SYT9: variants seen among roughly 807,000 people sequenced by gnomAD.
SYT9 encodes synaptotagmin 9, also known as synaptotagmin-9.
A neutral mutation model predicts 48.4 loss-of-function variants in SYT9; 22 were observed. The ratio of observed to expected loss-of-function variants is 0.45; its 90% CI spans 0.32 to 0.65. The LOEUF (loss-of-function observed/expected upper bound fraction) is 0.65, where lower values mean the gene tolerates loss of function less well. Ranked by LOEUF, SYT9 falls within the 30% of genes least tolerant of loss-of-function variation. The pLI, the probability that SYT9 is intolerant of heterozygous loss-of-function variation, is 0.03. For missense variants in SYT9, 577 were observed against 622.0 expected, an observed-to-expected ratio of 0.93 and a Z score of 0.77; for synonymous variants, 265 against 245.0, an observed-to-expected ratio of 1.08 and a Z score of -0.76.
At chr11:7,266,382 G>A (rs1353000397) in intron 1 of SYT9, among the ~76,000 whole-genome samples, 1 of 152,046 alleles carries the variant, frequency 6.6e-6, no homozygotes, top group African/African-American at 2.4e-5. Flanking sequence ...AAGAGAACTA[G>A]AAAGTCCCCC....
intron 3 of SYT9, among the ~76,000 whole-genome samples, chr11:7,332,301 G>A (rs1849550907): frequency 6.6e-6 from 1 of 152,178 alleles, no homozygotes; most frequent in African/African-American, 2.4e-5. Flanking sequence ...GGACTCCTCT[G>A]GGAAAGGGTA....
intron 6 of SYT9, among the ~76,000 whole-genome samples, chr11:7,429,105 G>A (rs181445787): frequency 6.6e-6 from 1 of 152,306 alleles, no homozygotes; most frequent in Admixed American, 6.5e-5. Flanking sequence ...CACCGACAGA[G>A]TGAATATTTA....
At chr11:7,445,603 A>G (rs994027586) in intron 6 of SYT9, among the ~76,000 whole-genome samples, 2 of 151,960 alleles carry the variant, frequency 1.3e-5, no homozygotes. Context: ...TCTCTTTCTC[A>G]TGGGCTTTCG....
At chr11:7,377,938 A>G (rs1850486022) in intron 3 of SYT9, among the ~76,000 whole-genome samples, 1 of 152,160 alleles carries the variant, frequency 6.6e-6, no homozygotes, top group South Asian at 2.1e-4. Flanking sequence ...AAAAGGCCAT[A>G]GCCCAAGGTA....
chr11:7,270,892 A>T (rs777508275), intron 1 of SYT9, among the ~76,000 whole-genome samples: 8 of 151,164 alleles, frequency 5.3e-5, no homozygotes, highest in African/African-American at 1.7e-4. Flanking sequence ...AGAGAGTGTC[A>T]TCAGGTGTGG....
At chr11:7,371,087 A>C (rs1850353287) in intron 3 of SYT9, among the ~76,000 whole-genome samples, 2 of 152,188 alleles carry the variant, frequency 1.3e-5, no homozygotes, top group South Asian at 4.1e-4. Context: ...TGATAGCAGT[A>C]GGCTGATATT....
upstream of SYT9, among the ~76,000 whole-genome samples, chr11:7,251,366 T>C (rs891104283): frequency 9.2e-5 from 14 of 152,188 alleles, no homozygotes; most frequent in South Asian, 2.1e-4. Context: ...TTTATTTATT[T>C]GATCTTAGTT....
rs551902532 is a variant in SYT9 at position 7,293,706 on chromosome 11, C to T, written c.146-9333C>T. ...AGGAAGATCACTGAGGGGCAGTGACCCAAGGTCACAAAATATAAATGATGG... is the reference window on the plus strand; with the variant it reads ...AGGAAGATCACTGAGGGGCAGTGACTCAAGGTCACAAAATATAAATGATGG... On this transcript the variant is annotated intron_variant, in intron 1 of 6. Transcript: ENST00000318881. Among the ~76,000 whole-genome samples, 3 of 152,156 alleles carry T rather than the reference C, an allele frequency of 2.0e-5. No individual in the cohort carries two copies. In the East Asian group the frequency reaches 5.8e-4, roughly 29 times the overall value.
chr11:7,400,722 A>T (rs915437413), intron 3 of SYT9, among the ~76,000 whole-genome samples: 1 of 152,206 alleles, frequency 6.6e-6, no homozygotes, highest in Non-Finnish European at 1.5e-5. Context: ...TCTGGAGAAG[A>T]TATTTTTAAA....
At chr11:7,405,064 C>G (rs1399605291) in intron 3 of SYT9, among the ~76,000 whole-genome samples, 4 of 147,892 alleles carry the variant, frequency 2.7e-5, no homozygotes, top group Non-Finnish European at 5.9e-5. Flanking sequence ...GTCAGTAACA[C>G]TTCTTCACAT....
chr11:7,425,711 C>T (rs374265173), intron 6 of SYT9, among the ~76,000 whole-genome samples: 2 of 152,152 alleles, frequency 1.3e-5, no homozygotes, highest in East Asian at 3.9e-4. Context: ...CATGCATTGC[C>T]CTCTGAAGGA....
intron 1 of SYT9, among the ~76,000 whole-genome samples, chr11:7,274,243 G>T (rs1848345482): frequency 6.7e-6 from 1 of 149,962 alleles, no homozygotes; most frequent in Admixed American, 6.6e-5. Flanking sequence ...AAGCTTAGTT[G>T]ACTAAATTCA....
chr11:7,245,552 T>C (rs1181462649), intron 1 of SYT9, among the ~76,000 whole-genome samples: 1 of 152,150 alleles, frequency 6.6e-6, no homozygotes, highest in East Asian at 1.9e-4. Flanking sequence ...CCCAGTGTCT[T>C]ATTCTGTTTG....
chr11:7,381,553 A>G (rs1310791478), intron 3 of SYT9, among the ~76,000 whole-genome samples: 1 of 152,220 alleles, frequency 6.6e-6, no homozygotes, highest in Non-Finnish European at 1.5e-5. Flanking sequence ...TAGTACTGAG[A>G]AAAGCAGAGT....
Position 7,442,270 on chromosome 11 carries a change from G to A in SYT9, c.1467+21635G>A, listed in dbSNP as rs12221685. 2.8e-4 allele frequency among the ~76,000 whole-genome samples: 42 copies of A among 152,284 alleles called. No individual in the cohort carries two copies. The East Asian group carries it at 7.9e-3, about 29-fold the overall frequency. On this transcript the variant is annotated intron_variant, in intron 6 of 6. Coordinates refer to ENST00000318881, the MANE Select transcript of SYT9 (RefSeq NM_175733.4). Reference sequence around the variant, plus strand: ...CTGCCATTTCCCACCCCTGTGGTGGGACTCGAAGAGGGGCTGGAGAACACG... The same window carrying A: ...CTGCCATTTCCCACCCCTGTGGTGGAACTCGAAGAGGGGCTGGAGAACACG...
chr11:7,398,979 A>T (rs1207887650), intron 3 of SYT9, among the ~76,000 whole-genome samples: 1 of 152,058 alleles, frequency 6.6e-6, no homozygotes, highest in Non-Finnish European at 1.5e-5. Flanking sequence ...TTCTCCCATG[A>T]TGCTCCATAT....
intron 1 of SYT9, among the ~76,000 whole-genome samples, chr11:7,273,063 G>T (rs183792196): frequency 3.5e-4 from 53 of 152,238 alleles, no homozygotes; most frequent in African/African-American, 1.2e-3. Flanking sequence ...TCTTATGATA[G>T]AATCTATAGA....
At chr11:7,464,327 A>G (rs374792283) in intron 6 of SYT9, among the ~76,000 whole-genome samples, 41 of 152,312 alleles carry the variant, frequency 2.7e-4, no homozygotes, top group African/African-American at 9.4e-4. Context: ...AGATTTAGGG[A>G]GTCTAGAAAG....
At chr11:7,262,489 T>G (rs1395820996) in intron 1 of SYT9, among the ~76,000 whole-genome samples, 1 of 152,086 alleles carries the variant, frequency 6.6e-6, no homozygotes, top group African/African-American at 2.4e-5. Flanking sequence ...GGACCCGCAC[T>G]AAGTTCTGGA....
Sources: gnomAD v4.1 joint callset for allele counts (sites outside exome capture counted in the v4.1 genomes callset) on GRCh38, gnomAD v4.1.1 for gene constraint, MANE v1.5 for transcripts, NCBI Gene and HGNC (gene_info 2026-07-23, HGNC 2026-07-21) for gene names.